Variants in IQGAP1 observed in about 807,000 individuals in gnomAD.
IQGAP1 encodes IQ motif containing GTPase activating protein 1.
A neutral mutation model predicts 215.6 loss-of-function variants in IQGAP1; 66 were observed. The observed-to-expected ratio is 0.31, with a 90% confidence interval of 0.25 to 0.38. The LOEUF (loss-of-function observed/expected upper bound fraction) is 0.38. Among genes scored for constraint, IQGAP1 ranks in the 10% least tolerant of loss-of-function variants. The pLI is 1.00. For missense variants in IQGAP1, 1,712 were observed against 1,997.1 expected, an observed-to-expected ratio of 0.86 and a Z score of 2.72; for synonymous variants, 772 against 728.7, an observed-to-expected ratio of 1.06 and a Z score of -0.96.
At chr15:90,393,811 T>G (rs1043826290) in intron 2 of IQGAP1, 1 of 152,100 alleles carries the variant, frequency 6.6e-6, no homozygotes, top group Non-Finnish European at 1.5e-5. Flanking sequence ...TCCCCTGAGG[T>G]GTTTTTTTGT....
intron 8 of IQGAP1, among the ~76,000 whole-genome samples, chr15:90,442,051 A>G (rs2151019598): frequency 6.6e-6 from 1 of 152,332 alleles, no homozygotes; most frequent in Admixed American, 6.5e-5. Flanking sequence ...TTTTATATAA[A>G]TAAAATTCTA....
intron 2 of IQGAP1, among the ~76,000 whole-genome samples, chr15:90,412,072 A>G (rs898773798): frequency 6.6e-6 from 1 of 152,204 alleles, no homozygotes; most frequent in Non-Finnish European, 1.5e-5. Flanking sequence ...AAACAATTAG[A>G]CATGTAATTT....
At chr15:90,426,046 A>G in intron 2 of IQGAP1, 64 bp from the exon 3 acceptor site, 2 of 1,497,124 alleles carry the variant, frequency 1.3e-6, no homozygotes, top group Non-Finnish European at 1.8e-6. Context: ...ATAAAGCTTA[A>G]AATCTCTAAG....
chr15:90,405,938 A>T (rs879908086), intron 2 of IQGAP1, among the ~76,000 whole-genome samples: 9 of 152,124 alleles, frequency 5.9e-5, no homozygotes, highest in Non-Finnish European at 1.0e-4. Context: ...GTTAGTTTAC[A>T]TTCTCCGTTG....
At position 90,485,965 on chromosome 15, in the gene IQGAP1, C is replaced by G. The variant is rs1047348828; in HGVS notation, c.3922-65C>G. On this transcript the variant is annotated intron_variant, in intron 30 of 37. Coordinates refer to ENST00000268182, the MANE Select transcript of IQGAP1 (RefSeq NM_003870.4). ...CCTCTTTGTGCAGATCATTGTTAGA[C>G]ATTCTAGGGAGGGACGGGCTGAAGA... 1.9e-5 allele frequency: 23 copies of G among 1,199,842 alleles called. 1 individual carries two copies. The South Asian group carries it at 2.8e-4, about 15-fold the overall frequency. The allele number at this position is 1,199,842 out of a possible 1,614,324, so 74.3% of individuals were successfully genotyped here.
intron 2 of IQGAP1, among the ~76,000 whole-genome samples, chr15:90,423,701 T>G (rs1211402116): frequency 1.3e-5 from 2 of 152,244 alleles, no homozygotes; most frequent in Non-Finnish European, 2.9e-5. Flanking sequence ...GCTCATTCTT[T>G]CTGTTTAATA....
chr15:90,409,068 T>C (rs1964920115), intron 2 of IQGAP1, among the ~76,000 whole-genome samples: 1 of 152,108 alleles, frequency 6.6e-6, no homozygotes, highest in African/African-American at 2.4e-5. Context: ...CTTCTAGGGT[T>C]CTTATTCCAA....
At chr15:90,446,816 G>C (rs1471118583) in intron 9 of IQGAP1, among the ~76,000 whole-genome samples, 1 of 152,076 alleles carries the variant, frequency 6.6e-6, no homozygotes, top group African/African-American at 2.4e-5. Context: ...AGTAGACTAA[G>C]GAAAATTAGA....
intron 2 of IQGAP1, among the ~76,000 whole-genome samples, chr15:90,408,574 T>C (rs1384241190): frequency 2.0e-5 from 3 of 152,106 alleles, no homozygotes; most frequent in Non-Finnish European, 4.4e-5. Context: ...AAAAGGTTCG[T>C]GGAGGAGAGG....
intron 15 of IQGAP1, among the ~76,000 whole-genome samples, chr15:90,461,597 G>A (rs1965762420): frequency 6.6e-6 from 1 of 152,194 alleles, no homozygotes. Flanking sequence ...CCGGCACTTT[G>A]GGAGGTCAAG....
chr15:90,474,906 T>G (rs1965956374), intron 23 of IQGAP1: 1 of 542,760 alleles, frequency 1.8e-6, no homozygotes, highest in Admixed American at 3.1e-5. Flanking sequence ...GCCTCCCAGG[T>G]TCAAGCAATT....
intron 15 of IQGAP1, among the ~76,000 whole-genome samples, chr15:90,465,674 TTTG>T (rs1567135374): frequency 0.035 from 4,917 of 142,250 alleles, 240 homozygotes; most frequent in African/African-American, 0.12. Context: ...CCAAGCTATG[TTTG>T]TTTGTTTGTT....
chr15:90,485,450 GT>G (rs896796256), intron 30 of IQGAP1, among the ~76,000 whole-genome samples: 5 of 151,792 alleles, frequency 3.3e-5, no homozygotes, highest in African/African-American at 1.2e-4. Flanking sequence ...GTTTTGTTTT[GT>G]TTTTTTGAGA....
chr15:90,401,257 G>A (rs548704313), intron 2 of IQGAP1, among the ~76,000 whole-genome samples: 1 of 152,144 alleles, frequency 6.6e-6, no homozygotes, highest in African/African-American at 2.4e-5. Flanking sequence ...ACATATTAAT[G>A]TTTAAGAAAG....
At chr15:90,443,270 T>TA in intron 8 of IQGAP1, 124 bp from the exon 9 acceptor site, 1 of 567,480 alleles carries the variant, frequency 1.8e-6, no homozygotes, top group Non-Finnish European at 3.2e-6. Context: ...TTGTTCTTTA[T>TA]AAAGGGTCTT....
At chr15:90,447,835 T>G (rs1007876124) in intron 9 of IQGAP1, among the ~76,000 whole-genome samples, 22 of 152,280 alleles carry the variant, frequency 1.4e-4, no homozygotes, top group Admixed American at 1.1e-3. Context: ...AAGGAACATC[T>G]GGGTTTTCAT....
At chr15:90,416,864 G>A (rs949785921) in intron 2 of IQGAP1, among the ~76,000 whole-genome samples, 4 of 151,998 alleles carry the variant, frequency 2.6e-5, no homozygotes, top group African/African-American at 7.2e-5. Flanking sequence ...GACGTGAGCC[G>A]CTGTGCCCAG....
At chr15:90,404,249 A>G (rs533865659) in intron 2 of IQGAP1, among the ~76,000 whole-genome samples, 1 of 152,316 alleles carries the variant, frequency 6.6e-6, no homozygotes, top group East Asian at 1.9e-4. Flanking sequence ...AGGTTGTACC[A>G]GTTTGCACAT....
chr15:90,468,271 G>A (rs1344186186), intron 18 of IQGAP1, among the ~76,000 whole-genome samples: 1 of 152,032 alleles, frequency 6.6e-6, no homozygotes, highest in East Asian at 1.9e-4. Flanking sequence ...TGCCCTGTTG[G>A]CCAGGCTGGT....
Sources: allele counts gnomAD v4.1 joint callset (sites outside exome capture counted in the v4.1 genomes callset), GRCh38; gene constraint gnomAD v4.1.1; transcripts MANE v1.5; gene names NCBI Gene and HGNC (gene_info 2026-07-23, HGNC 2026-07-21).